Variants in ARFGEF3 observed in about 807,000 individuals in gnomAD.
The protein encoded by ARFGEF3 is brefeldin A-inhibited guanine nucleotide-exchange protein 3.
A neutral mutation model predicts 221.7 loss-of-function variants in ARFGEF3; 96 were observed. That is an observed-to-expected ratio of 0.43 (90% CI 0.37 to 0.51). The LOEUF is 0.51. Among genes scored for constraint, ARFGEF3 ranks in the 20% least tolerant of loss-of-function variants. The pLI is 0.00. For missense variants in ARFGEF3, 2,410 were observed against 2,789.9 expected, an observed-to-expected ratio of 0.86 and a Z score of 3.07; for synonymous variants, 1,145 against 1,126.8, an observed-to-expected ratio of 1.02 and a Z score of -0.32.
chr6:138,298,835 G>A, intron 22 of ARFGEF3, 50 bp downstream of exon 22: 1 of 1,423,964 alleles, frequency 7.0e-7, no homozygotes, highest in Non-Finnish European at 9.8e-7. Flanking sequence ...ACTGAGTGCA[G>A]TGGCAGGCAC....
intron 2 of ARFGEF3, among the ~76,000 whole-genome samples, chr6:138,178,183 T>C (rs1305717169): frequency 6.6e-6 from 1 of 152,194 alleles, no homozygotes; most frequent in African/African-American, 2.4e-5. Context: ...ACTGAAGGCA[T>C]TCCCTAATCC....
Position 138,291,844 on chromosome 6 carries a change from TG to T in ARFGEF3, c.3163del (p.Asp1055ThrfsTer19). ...QKATGSAGLLGDPECEGSPPE... is the reference protein window; with the variant it reads ...QKATGSAGLLXDPECEGSPPE... ...AGGCCACTGGAAGCGCTGGCCTCCTTGGGGACCCCGAGTGTGAGGGCTCGCC... is the reference window on the plus strand; with the variant it reads ...AGGCCACTGGAAGCGCTGGCCTCCTTGGGACCCCGAGTGTGAGGGCTCGCC... On this transcript the variant is annotated frameshift_variant, in exon 19 of 34. Coordinates refer to ENST00000251691, the MANE Select transcript of ARFGEF3 (RefSeq NM_020340.5). LOFTEE classifies it high-confidence loss of function. The surrounding 1 kb of genome is among the most constrained non-coding windows in gnomAD (Gnocchi z 4.5). 2 of 1,500,888 alleles carry T rather than the reference TG, an allele frequency of 1.3e-6. No individual in the cohort carries two copies. The highest frequency in any genetic ancestry group is 8.9e-7 in the Non-Finnish European group (1 of 1,122,292). 93.0% of individuals were successfully genotyped at this position (1,500,888 alleles called of 1,614,324 possible). A position where few individuals can be genotyped will look rare whatever the true frequency, so the allele number is the denominator to read the frequency against.
chr6:138,291,784 C>G lies in ARFGEF3; in HGVS notation c.3099C>G (p.Ala1033=). ...AGCACAACCACTTCAGCGATGGTGC[C>G]TCGCAGCCCCCTCTGACCATCAGCC... ...TLEHNHFSDG[A]SQPPLTISQP... is the part of the protein sequence containing the mutation. The change falls in exon 19 of 34, where the codon GCC becomes GCG. Residue 1033 remains alanine, a synonymous_variant. Transcript: ENST00000251691. The surrounding 1 kb of genome is among the most constrained non-coding windows in gnomAD (Gnocchi z 4.5). 6.8e-7 allele frequency: 1 copy of G among 1,462,544 alleles called. No individual in the cohort carries two copies. Among genetic ancestry groups the G allele is most frequent in the Non-Finnish European group, 9.0e-7 (1 of 1,105,722 alleles). 90.6% of individuals were successfully genotyped at this position (1,462,544 alleles called of 1,614,324 possible).
chr6:138,167,373 C>T (rs1403549153), intron 1 of ARFGEF3, among the ~76,000 whole-genome samples: 4 of 152,172 alleles, frequency 2.6e-5, no homozygotes, highest in Non-Finnish European at 5.9e-5. Flanking sequence ...TGCTCTGAAA[C>T]GCACACCCCG....
intron 2 of ARFGEF3, among the ~76,000 whole-genome samples, chr6:138,197,657 C>T (rs1425481212): frequency 6.6e-6 from 1 of 152,162 alleles, no homozygotes; most frequent in African/African-American, 2.4e-5. Flanking sequence ...CCACCGTGGT[C>T]CGTCATTGAC....
At chr6:138,182,795 G>T (rs1777104476) in intron 2 of ARFGEF3, among the ~76,000 whole-genome samples, 1 of 152,158 alleles carries the variant, frequency 6.6e-6, no homozygotes, top group African/African-American at 2.4e-5. Flanking sequence ...GAGGGTTAAG[G>T]TGAGCAAAAC....
At chr6:138,265,057 C>T (rs1778864878) in intron 12 of ARFGEF3, among the ~76,000 whole-genome samples, 1 of 152,054 alleles carries the variant, frequency 6.6e-6, no homozygotes, top group South Asian at 2.1e-4. Context: ...GCGCCCACCA[C>T]CACACCGGGC....
chr6:138,271,421 A>G (rs920029389), intron 12 of ARFGEF3, among the ~76,000 whole-genome samples: 2 of 152,204 alleles, frequency 1.3e-5, no homozygotes, highest in African/African-American at 4.8e-5. Context: ...ACATGTATCT[A>G]CAATAATAAT....
chr6:138,209,809 T>G, intron 3 of ARFGEF3, 101 bp from the exon 4 acceptor site: 1 of 1,439,654 alleles, frequency 6.9e-7, no homozygotes, highest in Non-Finnish European at 9.5e-7. Context: ...GCTACACGCC[T>G]CCCCAGTAAG....
chr6:138,274,227 CAG>C (rs948234731), intron 12 of ARFGEF3, among the ~76,000 whole-genome samples: 3 of 152,132 alleles, frequency 2.0e-5, no homozygotes, highest in African/African-American at 7.2e-5. Context: ...AAGCCATTTA[CAG>C]ATTCATTTTT....
chr6:138,312,396 G>A (rs959796227), intron 25 of ARFGEF3, among the ~76,000 whole-genome samples: 1 of 152,010 alleles, frequency 6.6e-6, no homozygotes, highest in Non-Finnish European at 1.5e-5. Flanking sequence ...TGAGCCCATG[G>A]CTTTAAAAGG....
chr6:138,177,282 G>T (rs2114442175), intron 2 of ARFGEF3, among the ~76,000 whole-genome samples: 1 of 151,230 alleles, frequency 6.6e-6, no homozygotes, highest in East Asian at 1.9e-4. Context: ...TTGTTTGTTT[G>T]TTTATTTGTT....
intron 32 of ARFGEF3, among the ~76,000 whole-genome samples, chr6:138,332,316 A>G (rs549910480): frequency 9.1e-6 from 1 of 109,472 alleles, no homozygotes; most frequent in Non-Finnish European, 1.7e-5. Flanking sequence ...AGACTTACTG[A>G]ATGCTACTCT....
At chr6:138,245,446 G>A in intron 7 of ARFGEF3, 67 bp from the exon 8 acceptor site, 2 of 1,081,726 alleles carry the variant, frequency 1.8e-6, no homozygotes, top group Non-Finnish European at 2.8e-6. Flanking sequence ...GGATGGGAAG[G>A]ATGGTTCAGG....
chr6:138,289,069 C>T (rs1299571632), intron 17 of ARFGEF3, among the ~76,000 whole-genome samples: 3 of 152,082 alleles, frequency 2.0e-5, no homozygotes, highest in African/African-American at 7.2e-5. Context: ...TTCTCCTGCC[C>T]CAGCCTCCTG....
intron 17 of ARFGEF3, among the ~76,000 whole-genome samples, chr6:138,287,755 C>A (rs1779323280): frequency 6.6e-6 from 1 of 152,120 alleles, no homozygotes; most frequent in African/African-American, 2.4e-5. Context: ...ACAGAAGATA[C>A]AAGGCAGGCA....
intron 4 of ARFGEF3, among the ~76,000 whole-genome samples, chr6:138,220,646 C>G (rs1777968019): frequency 6.6e-6 from 1 of 152,222 alleles, no homozygotes; most frequent in Non-Finnish European, 1.5e-5. Flanking sequence ...GTCTTTTCCA[C>G]TCAACCTTTG....
chr6:138,202,152 G>A (rs571060942), intron 2 of ARFGEF3, among the ~76,000 whole-genome samples: 64 of 152,292 alleles, frequency 4.2e-4, no homozygotes, highest in African/African-American at 1.4e-3. Context: ...AAATTTGCAC[G>A]TGCCTGTGCA....
chr6:138,228,302 G>T (rs1307706513), intron 4 of ARFGEF3, among the ~76,000 whole-genome samples: 1 of 149,220 alleles, frequency 6.7e-6, no homozygotes, highest in Non-Finnish European at 1.5e-5. Flanking sequence ...TCAGCCTCCC[G>T]GATAGCTGGG....
Sources: allele counts gnomAD v4.1 joint callset (sites outside exome capture counted in the v4.1 genomes callset), GRCh38; gene constraint gnomAD v4.1.1; non-coding constraint Gnocchi (gnomAD v3.1); transcripts MANE v1.5; gene names NCBI Gene and HGNC (gene_info 2026-07-23, HGNC 2026-07-21).